MAGI2: variants seen among roughly 807,000 people sequenced by gnomAD.
MAGI2 encodes the protein membrane-associated guanylate kinase, WW and PDZ domain-containing protein 2.
MAGI2 carries 35 observed loss-of-function variants against 133.3 expected under a neutral mutation model. That is an observed-to-expected ratio of 0.26 (90% CI 0.20 to 0.35). The LOEUF (loss-of-function observed/expected upper bound fraction) is 0.35. MAGI2 is among the 10% of genes least tolerant of loss of function. MAGI2 has a pLI of 1.00. For missense variants in MAGI2, 1,636 were observed against 1,863.4 expected (o/e 0.88, Z 2.25); for synonymous variants, 729 against 710.6 (o/e 1.03, Z -0.41).
intron 1 of MAGI2, among the ~76,000 whole-genome samples, chr7:79,378,193 A>T (rs185645073): frequency 1.3e-3 from 195 of 151,972 alleles, no homozygotes; most frequent in Non-Finnish European, 2.0e-3. Context: ...TAGTAACAAC[A>T]CTTTGATATA....
chr7:78,392,724 A>T (rs1319028449), intron 6 of MAGI2, among the ~76,000 whole-genome samples: 1 of 152,038 alleles, frequency 6.6e-6, no homozygotes, highest in Non-Finnish European at 1.5e-5. Context: ...GCTCACTGCA[A>T]CCTCCGCCTC....
intron 2 of MAGI2, among the ~76,000 whole-genome samples, chr7:78,886,433 A>T (rs1796276893): frequency 6.6e-6 from 1 of 152,196 alleles, no homozygotes; most frequent in Non-Finnish European, 1.5e-5. Flanking sequence ...CTAATTTCTT[A>T]GAGCCAATGT....
chr7:79,395,423 T>C (rs1472189897), intron 1 of MAGI2, among the ~76,000 whole-genome samples: 5 of 152,192 alleles, frequency 3.3e-5, no homozygotes, highest in African/African-American at 1.2e-4. Context: ...GGCAGGTTCC[T>C]GAACATGGGA....
At chr7:79,034,945 C>G (rs925675206) in intron 1 of MAGI2, among the ~76,000 whole-genome samples, 1 of 152,154 alleles carries the variant, frequency 6.6e-6, no homozygotes, top group Non-Finnish European at 1.5e-5. Flanking sequence ...GAGTTGCTGT[C>G]TAGAGCAGAC....
chr7:79,247,888 G>T (rs1204801377), intron 1 of MAGI2, among the ~76,000 whole-genome samples: 1 of 151,810 alleles, frequency 6.6e-6, no homozygotes, highest in Non-Finnish European at 1.5e-5. Context: ...TAAAAATCAA[G>T]AAATTAAAAC....
intron 2 of MAGI2, among the ~76,000 whole-genome samples, chr7:78,727,689 C>T (rs958834262): frequency 7.9e-5 from 12 of 152,198 alleles, no homozygotes; most frequent in African/African-American, 1.4e-4. Context: ...CTTGGTCAAA[C>T]GCTATAGACA....
At chr7:79,393,453 T>G (rs769603359) in intron 1 of MAGI2, among the ~76,000 whole-genome samples, 4 of 152,182 alleles carry the variant, frequency 2.6e-5, no homozygotes, top group Non-Finnish European at 5.9e-5. Flanking sequence ...CTATAACATT[T>G]TATTTATCCT....
At chr7:78,645,085 C>T (rs537342932) in intron 2 of MAGI2, among the ~76,000 whole-genome samples, 1 of 151,934 alleles carries the variant, frequency 6.6e-6, no homozygotes, top group East Asian at 1.9e-4. Context: ...TCTCTGTGTA[C>T]AGTAGATAGC....
At chr7:79,293,596 A>G (rs966165052) in intron 1 of MAGI2, among the ~76,000 whole-genome samples, 1 of 152,238 alleles carries the variant, frequency 6.6e-6, no homozygotes, top group African/African-American at 2.4e-5. Flanking sequence ...GCAGCTAAGC[A>G]CTTTATAGTT....
At chr7:78,191,500 A>T (rs1828207874) in intron 12 of MAGI2, among the ~76,000 whole-genome samples, 1 of 152,242 alleles carries the variant, frequency 6.6e-6, no homozygotes, top group African/African-American at 2.4e-5. Context: ...TCTAATGAGC[A>T]GAGGTTATTT....
At chr7:78,062,264 T>C (rs995878255) in intron 21 of MAGI2, among the ~76,000 whole-genome samples, 11 of 152,116 alleles carry the variant, frequency 7.2e-5, no homozygotes, top group African/African-American at 2.2e-4. Flanking sequence ...GAGGTGGGTG[T>C]CCACACTGGG....
intron 3 of MAGI2, among the ~76,000 whole-genome samples, chr7:78,552,131 G>A (rs576097685): frequency 6.7e-6 from 1 of 149,938 alleles, no homozygotes; most frequent in African/African-American, 2.5e-5. Context: ...ACAAACATAA[G>A]GTATTTTTAA....
intron 1 of MAGI2, among the ~76,000 whole-genome samples, chr7:79,068,679 G>C (rs1326401156): frequency 6.6e-6 from 1 of 151,874 alleles, no homozygotes; most frequent in African/African-American, 2.4e-5. Flanking sequence ...AATTGTGATG[G>C]TAGGGTGTCG....
At chr7:79,048,201 T>G (rs1237823691) in intron 1 of MAGI2, among the ~76,000 whole-genome samples, 1 of 152,198 alleles carries the variant, frequency 6.6e-6, no homozygotes, top group East Asian at 1.9e-4. Context: ...AGGGTAATAA[T>G]TCTACTAGCA....
intron 2 of MAGI2, among the ~76,000 whole-genome samples, chr7:78,668,679 G>T (rs190995451): frequency 6.6e-6 from 1 of 152,016 alleles, no homozygotes; most frequent in Admixed American, 6.6e-5. Context: ...GTTTTTCTCA[G>T]GTTTGTCAAA....
intron 7 of MAGI2, among the ~76,000 whole-genome samples, chr7:78,349,012 A>C (rs938731642): frequency 7.2e-5 from 11 of 152,200 alleles, no homozygotes; most frequent in African/African-American, 2.7e-4. Flanking sequence ...AGTCTTATTG[A>C]CATTCCTTTC....
intron 1 of MAGI2, among the ~76,000 whole-genome samples, chr7:79,144,927 T>C (rs1822474645): frequency 6.6e-6 from 1 of 152,226 alleles, no homozygotes; most frequent in Non-Finnish European, 1.5e-5. Flanking sequence ...AGTCAGGAAA[T>C]GTGCTGCTGC....
intron 1 of MAGI2, among the ~76,000 whole-genome samples, chr7:79,376,778 T>C (rs1843408349): frequency 2.0e-5 from 3 of 151,674 alleles, no homozygotes; most frequent in Non-Finnish European, 4.4e-5. Context: ...TGTGGATAAC[T>C]GAAACCACAG....
chr7:79,216,948 T>A (rs570819688), intron 1 of MAGI2, among the ~76,000 whole-genome samples: 29 of 152,204 alleles, frequency 1.9e-4, no homozygotes, highest in Admixed American at 1.6e-3. Flanking sequence ...TTATGTACAA[T>A]ATATTAGCCA....
Sources: gnomAD v4.1 joint callset for allele counts (sites outside exome capture counted in the v4.1 genomes callset) on GRCh38, gnomAD v4.1.1 for gene constraint, MANE v1.5 for transcripts, NCBI Gene and HGNC (gene_info 2026-07-23, HGNC 2026-07-21) for gene names.